Variants in BCAS1 observed in about 807,000 individuals in gnomAD.
The protein encoded by BCAS1 is breast carcinoma-amplified sequence 1.
A neutral mutation model predicts 65.4 loss-of-function variants in BCAS1; 46 were observed. That is an observed-to-expected ratio of 0.70 (90% CI 0.55 to 0.90). BCAS1 has a LOEUF of 0.90. Among genes scored for constraint, BCAS1 ranks in the 40% least tolerant of loss-of-function variants. The pLI, the probability that BCAS1 is intolerant of heterozygous loss-of-function variation, is 0.00. For synonymous variants in BCAS1, 298 were observed against 293.5 expected, an observed-to-expected ratio of 1.02 and a Z score of -0.16; for missense variants, 793 against 771.2, an observed-to-expected ratio of 1.03 and a Z score of -0.33.
chr20:53,960,700 C>T (rs1051843744), intron 10 of BCAS1, among the ~76,000 whole-genome samples: 1 of 151,978 alleles, frequency 6.6e-6, no homozygotes, highest in African/African-American at 2.4e-5. Context: ...TTCCTTCCTT[C>T]CTTCCTCTCG....
chr20:54,028,058 A>G (rs1419597347), intron 4 of BCAS1, among the ~76,000 whole-genome samples: 3 of 152,226 alleles, frequency 2.0e-5, no homozygotes, highest in Non-Finnish European at 4.4e-5. Flanking sequence ...TTATTCCACT[A>G]ATGCCTTTTC....
chr20:54,007,386 G>A lies in BCAS1; in HGVS notation c.724-11336C>T, dbSNP rs1228396815. ...CTAGGTGGCCATCAGGATCTGCCAT[G>A]ATGGACGCCCTCTGAATGAGGAAGA... On this transcript the variant is annotated intron_variant, in intron 4 of 12. Coordinates refer to ENST00000688948, the MANE Select transcript of BCAS1 (RefSeq NM_001366298.2). 2.0e-5 allele frequency among the ~76,000 whole-genome samples: 3 copies of A among 152,332 alleles called. No homozygotes were observed. In the East Asian group the frequency reaches 5.8e-4, roughly 29 times the overall value.
chr20:53,945,229 G>A (rs958625146), intron 12 of BCAS1, among the ~76,000 whole-genome samples: 2 of 152,016 alleles, frequency 1.3e-5, no homozygotes, highest in South Asian at 2.1e-4. Flanking sequence ...ATCTCTTTGC[G>A]CTTTGGTTTC....
chr20:54,070,133 G>A (rs1466860681), intron 1 of BCAS1, among the ~76,000 whole-genome samples: 1 of 152,154 alleles, frequency 6.6e-6, no homozygotes, highest in East Asian at 1.9e-4. Flanking sequence ...CCCATGTCCT[G>A]TGCTTGAAAT....
chr20:53,995,791 TA>T lies in BCAS1; in HGVS notation c.882+100del, dbSNP rs1418608248. 12 of 1,290,172 alleles carry T rather than the reference TA, an allele frequency of 9.3e-6. No individual in the cohort carries two copies. In the African/African-American group the frequency reaches 1.6e-4, roughly 18 times the overall value. The allele number at this position is 1,290,172 out of a possible 1,614,324, so 79.9% of individuals were successfully genotyped here. ...CTCCCATGCTCCAACAGCACCATGATAATTCATTTAGTACAATAACATTCAA... is the reference window on the plus strand; with the variant it reads ...CTCCCATGCTCCAACAGCACCATGATATTCATTTAGTACAATAACATTCAA... On this transcript the variant is annotated intron_variant, in intron 5 of 12. Transcript: ENST00000688948.
chr20:53,968,177 C>T (rs1004578536), intron 9 of BCAS1, among the ~76,000 whole-genome samples: 12 of 152,180 alleles, frequency 7.9e-5, no homozygotes, highest in Non-Finnish European at 4.4e-5. Context: ...GCATTTAAAG[C>T]GTTGGAAGAA....
At chr20:53,975,749 A>G (rs2090317149) in intron 8 of BCAS1, among the ~76,000 whole-genome samples, 1 of 152,116 alleles carries the variant, frequency 6.6e-6, no homozygotes, top group South Asian at 2.1e-4. Context: ...TTGCCTTTAT[A>G]TTTTTTAGTA....
intron 3 of BCAS1, among the ~76,000 whole-genome samples, chr20:54,053,909 T>C (rs144271521): frequency 6.6e-6 from 1 of 152,354 alleles, no homozygotes; most frequent in Non-Finnish European, 1.5e-5. Flanking sequence ...GGTATTAGTC[T>C]GTTCTCAGGC....
At chr20:53,991,659 C>A (rs2276502) in intron 7 of BCAS1, among the ~76,000 whole-genome samples, 1 of 152,062 alleles carries the variant, frequency 6.6e-6, no homozygotes, top group Non-Finnish European at 1.5e-5. Flanking sequence ...GGACATGGAG[C>A]TGAAACATGC....
intron 9 of BCAS1, among the ~76,000 whole-genome samples, chr20:53,967,512 CT>C (rs1441356113): frequency 6.6e-6 from 1 of 152,186 alleles, no homozygotes; most frequent in Admixed American, 6.5e-5. Flanking sequence ...TCCAGTTCCC[CT>C]GCAACTATAA....
chr20:54,010,751 C>T (rs2091301668), intron 4 of BCAS1, among the ~76,000 whole-genome samples: 1 of 152,096 alleles, frequency 6.6e-6, no homozygotes, highest in South Asian at 2.1e-4. Context: ...TGAGGTTATT[C>T]TAACATTTAT....
chr20:54,054,943 TGA>T (rs2092274114), intron 3 of BCAS1, among the ~76,000 whole-genome samples: 1 of 152,180 alleles, frequency 6.6e-6, no homozygotes, highest in African/African-American at 2.4e-5. Context: ...TACACATATA[TGA>T]GATATACCTA....
intron 4 of BCAS1, among the ~76,000 whole-genome samples, chr20:54,012,734 C>G (rs2091349255): frequency 6.6e-6 from 1 of 152,104 alleles, no homozygotes; most frequent in Non-Finnish European, 1.5e-5. Context: ...TTAAAAAGAT[C>G]CCGTTTAATT....
At position 53,994,888 on chromosome 20, in the gene BCAS1, T is replaced by TACACACACACACACACAC. The variant is rs11471603; in HGVS notation, c.927+106_927+123dup. The TACACACACACACACACAC allele has an allele frequency of 8.5e-4, 471 of 556,972 alleles. 3 individuals are homozygous for TACACACACACACACACAC. In the African/African-American group the frequency reaches 8.7e-3, roughly 10 times the overall value. The allele number at this position is 556,972 out of a possible 1,614,324, so 34.5% of individuals were successfully genotyped here. On this transcript the variant is annotated intron_variant, in intron 6 of 12. Coordinates refer to ENST00000688948, the MANE Select transcript of BCAS1 (RefSeq NM_001366298.2). ...AATTGCTAATTATATATAGATATGA[T>TACACACACACACACACAC]ACACACACACACACACACACACACA...
At position 53,967,055 on chromosome 20, in the gene BCAS1, C is replaced by T. The variant is rs759265798; in HGVS notation, c.1336G>A (p.Val446Ile). 17 of 1,609,396 alleles carry T rather than the reference C, an allele frequency of 1.1e-5. No homozygotes were observed. The highest frequency in any genetic ancestry group is 1.4e-5 in the Non-Finnish European group (17 of 1,178,314). ...AEENVVCESP[V>I]EIIKSKEVES... ...ACTTCCTTGGACTTTATAATCTCTA[C>T]TGGTGACTCACACACCACCTGGATT... Residue 446 changes from valine (V) to isoleucine (I), a missense_variant, in exon 10 of 13, where the codon GTA (valine) becomes ATA (isoleucine). Transcript: ENST00000688948.
chr20:53,948,061 A>G (rs1281865282), intron 12 of BCAS1, among the ~76,000 whole-genome samples: 1 of 152,162 alleles, frequency 6.6e-6, no homozygotes, highest in Admixed American at 6.5e-5. Flanking sequence ...CAAGTCCAGG[A>G]ACAAGCTTCT....
At chr20:54,045,533 C>T (rs1476453126) in intron 3 of BCAS1, among the ~76,000 whole-genome samples, 1 of 152,164 alleles carries the variant, frequency 6.6e-6, no homozygotes, top group African/African-American at 2.4e-5. Flanking sequence ...GCGGACAAAG[C>T]CTGTTAGACC....
At chr20:54,030,333 G>T (rs1568898172) in intron 3 of BCAS1, among the ~76,000 whole-genome samples, 2 of 152,220 alleles carry the variant, frequency 1.3e-5, no homozygotes, top group Non-Finnish European at 2.9e-5. Flanking sequence ...TAGTCCTACT[G>T]CAGGGTTGTT....
At chr20:53,983,974 A>AT (rs1379856707) in intron 8 of BCAS1, among the ~76,000 whole-genome samples, 1 of 152,112 alleles carries the variant, frequency 6.6e-6, no homozygotes, top group East Asian at 1.9e-4. Flanking sequence ...GAGGACCCAA[A>AT]TTTACCATTA....
Sources: gnomAD v4.1 joint callset for allele counts (sites outside exome capture counted in the v4.1 genomes callset) on GRCh38, gnomAD v4.1.1 for gene constraint, MANE v1.5 for transcripts, NCBI Gene and HGNC (gene_info 2026-07-23, HGNC 2026-07-21) for gene names.